PGGT1B: variants seen among roughly 807,000 people sequenced by gnomAD.
The protein encoded by PGGT1B is protein geranylgeranyltransferase type I subunit beta.
A neutral mutation model predicts 46.1 loss-of-function variants in PGGT1B; 30 were observed. The ratio of observed to expected loss-of-function variants is 0.65; its 90% CI spans 0.49 to 0.88. The LOEUF is 0.88. Ranked by LOEUF, PGGT1B falls within the 40% of genes least tolerant of loss-of-function variation. The probability of loss-of-function intolerance (pLI) is 0.00; values close to 1 mark genes in which losing one functional copy is unlikely to be tolerated. For synonymous variants in PGGT1B, 170 were observed against 160.0 expected (o/e 1.06, Z -0.47); for missense variants, 376 against 455.9 (o/e 0.82, Z 1.60).
intron 7 of PGGT1B, among the ~76,000 whole-genome samples, chr5:115,220,799 A>T (rs1035500852): frequency 1.3e-5 from 2 of 151,834 alleles, no homozygotes; most frequent in Admixed American, 6.6e-5. Context: ...TTAAAAAGTT[A>T]TTTTCATTTA....
chr5:115,216,829 A>G (rs764438386), intron 8 of PGGT1B, 36 bp downstream of exon 8: 10 of 1,016,490 alleles, frequency 9.8e-6, no homozygotes, highest in African/African-American at 1.6e-5. Flanking sequence ...TATTCAGGAA[A>G]TAAAGGTTGT....
intron 8 of PGGT1B, among the ~76,000 whole-genome samples, chr5:115,214,303 T>TTA (rs1554069756): frequency 2.0e-5 from 3 of 152,086 alleles, no homozygotes; most frequent in Non-Finnish European, 4.4e-5. Flanking sequence ...ATTGTGTTTT[T>TTA]AAAAAAACTC....
chr5:115,254,124 A>G (rs1748213375), intron 1 of PGGT1B, among the ~76,000 whole-genome samples: 1 of 152,042 alleles, frequency 6.6e-6, no homozygotes, highest in Non-Finnish European at 1.5e-5. Context: ...TAATCTTTTC[A>G]ATGAAGATTC....
Position 115,211,071 on chromosome 5 carries a change from T to C in PGGT1B, c.*1331A>G, listed in dbSNP as rs1756205661. The C allele has an allele frequency of 6.6e-6, 1 of 152,036 alleles. No homozygotes were observed. The highest frequency in any genetic ancestry group is 1.5e-5 in the Non-Finnish European group (1 of 67,896). 9.4% of individuals were successfully genotyped at this position (152,036 alleles called of 1,614,324 possible). A position where few individuals can be genotyped will look rare whatever the true frequency, so the allele number is the denominator to read the frequency against. On this transcript the variant is annotated 3_prime_UTR_variant, in exon 9 of 9. Transcript: ENST00000419445. ...AATGCCTAAACAGTGATACCAGTAA[T>C]CCAGTTTTTATACTGATACTTGTAT... is the stretch of plus-strand genomic sequence containing the variant.
chr5:115,215,639 G>A (rs534187795), intron 8 of PGGT1B, among the ~76,000 whole-genome samples: 1 of 152,284 alleles, frequency 6.6e-6, no homozygotes, highest in East Asian at 1.9e-4. Context: ...AAGTAGGGGT[G>A]TAAGGAAATA....
At chr5:115,220,232 C>T (rs940656931) in intron 7 of PGGT1B, among the ~76,000 whole-genome samples, 4 of 151,568 alleles carry the variant, frequency 2.6e-5, no homozygotes, top group African/African-American at 9.7e-5. Flanking sequence ...AGAAGGAAAA[C>T]GTGGTATTCA....
At chr5:115,217,446 C>T (rs1336262924) in intron 7 of PGGT1B, among the ~76,000 whole-genome samples, 1 of 151,906 alleles carries the variant, frequency 6.6e-6, no homozygotes, top group East Asian at 1.9e-4. Flanking sequence ...AAAAGTATAG[C>T]TCTTTAATTA....
At chr5:115,228,162 C>A (rs1251388143) in intron 6 of PGGT1B, among the ~76,000 whole-genome samples, 1 of 152,102 alleles carries the variant, frequency 6.6e-6, no homozygotes, top group Non-Finnish European at 1.5e-5. Context: ...GAGAAAGATG[C>A]CTCGCAAGCA....
intron 6 of PGGT1B, among the ~76,000 whole-genome samples, chr5:115,222,659 T>C (rs1028074135): frequency 6.6e-6 from 1 of 152,182 alleles, no homozygotes; most frequent in Non-Finnish European, 1.5e-5. Flanking sequence ...CATGCTGCTA[T>C]AAAGACACAT....
intron 1 of PGGT1B, among the ~76,000 whole-genome samples, chr5:115,261,301 CTCTT>C (rs993890812): frequency 2.6e-4 from 40 of 152,182 alleles, no homozygotes; most frequent in Non-Finnish European, 4.1e-4. Flanking sequence ...AAACGTTTCA[CTCTT>C]TCTTTTGTGA....
intron 5 of PGGT1B, among the ~76,000 whole-genome samples, chr5:115,232,902 G>A (rs917913878): frequency 1.3e-5 from 2 of 151,748 alleles, no homozygotes; most frequent in African/African-American, 4.8e-5. Flanking sequence ...GGTGATAAAG[G>A]AAAGCTCAAA....
intron 8 of PGGT1B, among the ~76,000 whole-genome samples, chr5:115,213,915 G>GA (rs1756325752): frequency 6.6e-6 from 1 of 152,174 alleles, no homozygotes; most frequent in Non-Finnish European, 1.5e-5. Context: ...ATGCCATTGT[G>GA]AAAATGTTAT....
chr5:115,224,639 G>A (rs564604211), intron 6 of PGGT1B, among the ~76,000 whole-genome samples: 1 of 152,100 alleles, frequency 6.6e-6, no homozygotes, highest in Non-Finnish European at 1.5e-5. Flanking sequence ...GGAGGCCAAA[G>A]TGAGAGAACT....
chr5:115,223,167 T>C (rs1338295370), intron 6 of PGGT1B, among the ~76,000 whole-genome samples: 3 of 149,470 alleles, frequency 2.0e-5, no homozygotes, highest in African/African-American at 7.4e-5. Context: ...ATGGGGGCGG[T>C]AGGAAAGAGG....
chr5:115,249,051 C>T (rs1747976551), intron 2 of PGGT1B, among the ~76,000 whole-genome samples: 2 of 152,076 alleles, frequency 1.3e-5, no homozygotes, highest in South Asian at 4.1e-4. Flanking sequence ...AATACAGAAA[C>T]ATATTTACTT....
At chr5:115,215,556 C>G (rs1054966822) in intron 8 of PGGT1B, among the ~76,000 whole-genome samples, 4 of 152,092 alleles carry the variant, frequency 2.6e-5, no homozygotes, top group African/African-American at 4.8e-5. Context: ...CCTCAGCCTC[C>G]CAAACTGTTG....
chr5:115,226,947 A>G (rs1014942543), intron 6 of PGGT1B, among the ~76,000 whole-genome samples: 1 of 152,010 alleles, frequency 6.6e-6, no homozygotes, highest in Non-Finnish European at 1.5e-5. Flanking sequence ...AAACAAGCAG[A>G]AGCAAGTGGA....
chr5:115,222,981 G>C (rs932859709), intron 6 of PGGT1B, among the ~76,000 whole-genome samples: 5 of 152,146 alleles, frequency 3.3e-5, no homozygotes, highest in Non-Finnish European at 7.4e-5. Flanking sequence ...GGTGGGAGGA[G>C]TGGGGAAGGA....
Position 115,223,798 on chromosome 5 carries a change from C to T in PGGT1B, c.659-1790G>A, listed in dbSNP as rs374836537. Among the ~76,000 whole-genome samples the T allele has an allele frequency of 5.3e-5, 8 of 152,166 alleles. No homozygotes were observed. In the East Asian group the frequency reaches 1.3e-3, roughly 26 times the overall value. The stretch of plus-strand genomic sequence containing the variant: ...TTTCCATATAAGAAAACAAACAACA[C>T]TTTTTACTGGCACTATTTGTTGTCA... On this transcript the variant is annotated intron_variant, in intron 6 of 8. Coordinates refer to ENST00000419445, the MANE Select transcript of PGGT1B (RefSeq NM_005023.4).
Sources: allele counts gnomAD v4.1 joint callset (sites outside exome capture counted in the v4.1 genomes callset), GRCh38; gene constraint gnomAD v4.1.1; transcripts MANE v1.5; gene names NCBI Gene and HGNC (gene_info 2026-07-23, HGNC 2026-07-21).